Variants in PYCR1 observed in about 807,000 individuals in gnomAD.
The protein encoded by PYCR1 is pyrroline-5-carboxylate reductase 1.
PYCR1 carries 19 observed loss-of-function variants against 22.9 expected under a neutral mutation model. The observed-to-expected ratio is 0.83, with a 90% CI of 0.58 to 1.22. The LOEUF is 1.22. Ranked by LOEUF, PYCR1 falls within the 50% of genes most tolerant of loss-of-function variation. PYCR1 has a pLI of 0.00. For synonymous variants in PYCR1, 175 were observed against 180.5 expected, an observed-to-expected ratio of 0.97 and a Z score of 0.24; for missense variants, 429 against 431.3, an observed-to-expected ratio of 0.99 and a Z score of 0.05.
intron 2 of PYCR1, among the ~76,000 whole-genome samples, chr17:81,935,772 C>A (rs1363849292): frequency 1.3e-5 from 2 of 152,254 alleles, no homozygotes; most frequent in Non-Finnish European, 2.9e-5. Context: ...CAGCCTGGGA[C>A]TGCCGTCCTC....
In PYCR1 at chr17:81,935,407, C is replaced by T; in HGVS notation, c.248G>A (p.Gly83Asp). 2 of 1,613,636 alleles carry T rather than the reference C, an allele frequency of 1.2e-6. No individual in the cohort carries two copies. Among genetic ancestry groups the T allele is most frequent in the Non-Finnish European group, 8.5e-7 (1 of 1,179,994 alleles). The change falls in exon 3 of 7, where the codon GGC becomes GAC. Residue 83 changes from glycine to aspartate, a missense_variant. Transcript: ENST00000329875. ...AATGTGTCTGTCCTCAATGTCGGCGCCTATTTCATCCAGGATGAAGGGGAT... is the reference window on the plus strand; with the variant it reads ...AATGTGTCTGTCCTCAATGTCGGCGTCTATTTCATCCAGGATGAAGGGGAT... ...HIIPFILDEI[G>D]ADIEDRHIVV...
Position 81,936,183 on chromosome 17 carries a change from A to G in PYCR1, c.78T>C (p.Ala26=). 1 of 1,613,570 alleles carries G rather than the reference A, an allele frequency of 6.2e-7. No individual in the cohort carries two copies. Among genetic ancestry groups the G allele is most frequent in the Non-Finnish European group, 8.5e-7 (1 of 1,179,774 alleles). ...GGGAGCTAGCCATTATCTTGTGGGC[A>G]GCCAAGACGCCTGAGGGGAGAAACA... is the stretch of plus-strand genomic sequence containing the variant. ...AKGFTAAGVL[A]AHKIMASSPD... Residue 26 remains alanine, a synonymous_variant, in exon 2 of 7, where the codon GCT becomes GCC. Coordinates refer to ENST00000329875, the MANE Select transcript of PYCR1 (RefSeq NM_006907.4).
At chr17:81,934,076 C>A (rs1414990518) in intron 6 of PYCR1, 15 of 581,842 alleles carry the variant, frequency 2.6e-5, no homozygotes, top group Non-Finnish European at 9.3e-6. Context: ...CAATGGTGAA[C>A]CTATGTGGGG....
Position 81,934,337 on chromosome 17 carries a change from G to A in PYCR1, c.786C>T (p.Cys262=). Residue 262 remains cysteine (C), a synonymous_variant, in exon 6 of 7, where the codon TGC becomes TGT. Coordinates refer to ENST00000329875, the MANE Select transcript of PYCR1 (RefSeq NM_006907.4). ...GCGCGGGGGCCCACCGTGTGCGGAT[G>A]CAGGAGGCCTCCACAGCGTTGATGA... ...SLLINAVEAS[C]IRTRELQSMA... is the part of the protein sequence containing the mutation. 1 of 1,612,930 alleles carries A rather than the reference G, an allele frequency of 6.2e-7. No individual in the cohort carries two copies. Among genetic ancestry groups the A allele is most frequent in the Non-Finnish European group, 8.5e-7 (1 of 1,179,950 alleles).
chr17:81,934,896 G>C (rs746060807), intron 4 of PYCR1, 30 bp downstream of exon 4: 1 of 1,605,978 alleles, frequency 6.2e-7, no homozygotes, highest in Admixed American at 1.7e-5. Context: ...GGAAGTGCCC[G>C]CCGCCGCCAG....
Position 81,934,410 on chromosome 17 carries a change from G to T in PYCR1, c.713C>A (p.Thr238Asn), listed in dbSNP as rs528157104. 8.1e-6 allele frequency: 13 copies of T among 1,612,258 alleles called. No homozygotes were observed. The highest frequency in any genetic ancestry group is 1.1e-5 in the Non-Finnish European group (13 of 1,179,796). Residue 238 changes from threonine to asparagine, a missense_variant, in exon 6 of 7, where the codon ACC (threonine) becomes AAC (asparagine). Transcript: ENST00000329875. ...KDNVSSPGGA[T>N]IHALHVLESG... ...CTCCAGCACATGCAAGGCATGGATG[G>T]TGGCCCCACCAGGAGAGCTGACGTT...
intron 4 of PYCR1, 88 bp downstream of exon 4, chr17:81,934,838 C>T (rs567178994): frequency 3.9e-6 from 6 of 1,554,692 alleles, no homozygotes; most frequent in East Asian, 2.4e-5. Flanking sequence ...GAGCCCTCCA[C>T]CCTGGCCCTC....
In PYCR1 at chr17:81,936,741, G is replaced by A. The variant is rs776837667; in HGVS notation, c.67+7C>T. ...TGGGCCTCACCGTCCCCCACCTGGG[G>A]GCCTACCTGCTGCTGTGAAGCCCTT... On this transcript the variant is annotated splice_region_variant and intron_variant, in intron 1 of 6. Coordinates refer to ENST00000329875, the MANE Select transcript of PYCR1 (RefSeq NM_006907.4). The A allele has an allele frequency of 2.2e-5, 36 of 1,604,280 alleles. No individual in the cohort carries two copies. The highest frequency in any genetic ancestry group is 1.7e-4 in the Middle Eastern group (1 of 5,970).
chr17:81,933,695 A>C (rs1443963565), intron 6 of PYCR1, among the ~76,000 whole-genome samples: 2 of 151,950 alleles, frequency 1.3e-5, no homozygotes, highest in Non-Finnish European at 2.9e-5. Context: ...TGTTCCCCTC[A>C]CTGTTACAGG....
rs1337871415 is a variant in PYCR1 at position 81,934,737 on chromosome 17, T to C, written c.549A>G (p.Thr183=). Residue 183 remains threonine (T), a synonymous_variant, in exon 5 of 7, where the codon ACA becomes ACG. Coordinates refer to ENST00000329875, the MANE Select transcript of PYCR1 (RefSeq NM_006907.4). ...CCCCATCAGCCAGGGCATCCAGGGC[T>C]GTGAATGCCTGTGGGGAGAAGGCAC... is the stretch of plus-strand genomic sequence containing the variant. ...LSGSGPAYAF[T]ALDALADGGV... The C allele has an allele frequency of 2.6e-6, 4 of 1,554,712 alleles. No homozygotes were observed. The East Asian group carries it at 9.7e-5, about 38-fold the overall frequency.
Position 81,933,097 on chromosome 17 carries a change from TG to T in PYCR1, c.*116del, listed in dbSNP as rs751498089. ...TGTGGCCCCTCCCTGGCTATGTCCCTGGCTGGCCCCTGCGCTGATCAGAGCC... is the reference window on the plus strand; with the variant it reads ...TGTGGCCCCTCCCTGGCTATGTCCCTGCTGGCCCCTGCGCTGATCAGAGCC... On this transcript the variant is annotated 3_prime_UTR_variant, in exon 7 of 7. Transcript: ENST00000329875. The T allele has an allele frequency of 1.3e-5, 21 of 1,596,432 alleles. No individual in the cohort carries two copies. Among genetic ancestry groups the T allele is most frequent in the Non-Finnish European group, 1.7e-5 (20 of 1,176,550 alleles).
chr17:81,935,626 GCA>G, intron 2 of PYCR1, 110 bp from the exon 3 acceptor site: 5 of 819,154 alleles, frequency 6.1e-6, no homozygotes, highest in African/African-American at 3.4e-5. Context: ...TTGGGGGTGG[GCA>G]GGGCTGGGGG....
chr17:81,934,189 G>A (rs777132766), intron 6 of PYCR1, 137 bp downstream of exon 6: 2 of 1,350,604 alleles, frequency 1.5e-6, no homozygotes, highest in East Asian at 2.5e-5. Flanking sequence ...GAACCTCGGG[G>A]CCCCCTGTGT....
rs770665220 is a variant in PYCR1, at chr17:81,935,423, T to C, written c.232A>G (p.Ile78Val). ...LAVKPHIIPFILDEIGADIED... is the reference protein window; with the variant it reads ...LAVKPHIIPFVLDEIGADIED... ...ATGTCGGCGCCTATTTCATCCAGGA[T>C]GAAGGGGATGATGTGTGGCTTCACA... The change falls in exon 3 of 7, where the codon ATC (isoleucine) becomes GTC (valine). Residue 78 changes from isoleucine to valine, a missense_variant. Ile to Val is a conservative substitution (Grantham distance 29). Coordinates refer to ENST00000329875, the MANE Select transcript of PYCR1 (RefSeq NM_006907.4). 4 of 1,613,656 alleles carry C rather than the reference T, an allele frequency of 2.5e-6. No individual in the cohort carries two copies. The South Asian group carries it at 4.4e-5, about 18-fold the overall frequency.
Position 81,933,365 on chromosome 17 carries a change from G to A in PYCR1, c.809C>T (p.Ser270Phe). 6.2e-7 allele frequency: 1 copy of A among 1,613,826 alleles called. No homozygotes were observed. The highest frequency in any genetic ancestry group is 8.5e-7 in the Non-Finnish European group (1 of 1,180,004). ...TGACACCTGCTCCTGGTCAGCCATG[G>A]ACTGCAGCTCCCTAGAGAGGCAGGG... ...ASCIRTRELQ[S>F]MADQEQVSPA... is the part of the protein sequence containing the mutation. Residue 270 changes from serine to phenylalanine, a missense_variant, in exon 7 of 7, where the codon TCC becomes TTC. By Grantham distance (155) the Ser-to-Phe change is radical (BLOSUM62 -2). Transcript: ENST00000329875.
rs913844617 is a variant in PYCR1, at chr17:81,937,278, C to A, written c.-464G>T. On this transcript the variant is annotated 5_prime_UTR_variant, in exon 1 of 7. Transcript: ENST00000329875. ...CGTACCCACCCCTCAGCGCTGCGGC[C>A]GCCACGCGGCACCCGCACCCAGGCC... The A allele has an allele frequency of 1.7e-6, 2 of 1,180,014 alleles. No homozygotes were observed. The highest frequency in any genetic ancestry group is 4.2e-5 in the Admixed American group (1 of 23,540). 73.1% of individuals were successfully genotyped at this position (1,180,014 alleles called of 1,614,324 possible). A position where few individuals can be genotyped will look rare whatever the true frequency, so the allele number is the denominator to read the frequency against.
chr17:81,937,006 G>T lies in PYCR1; in HGVS notation c.-192C>A. ...CTGTCCGGCCCGTTAACTGCTTCGGGGCCCCCAGTCAGAGCGGCGGTGCCT... is the reference window on the plus strand; with the variant it reads ...CTGTCCGGCCCGTTAACTGCTTCGGTGCCCCCAGTCAGAGCGGCGGTGCCT... On this transcript the variant is annotated 5_prime_UTR_variant, in exon 1 of 7. Coordinates refer to ENST00000329875, the MANE Select transcript of PYCR1 (RefSeq NM_006907.4). 2.7e-6 allele frequency: 4 copies of T among 1,466,836 alleles called. No homozygotes were observed. The highest frequency in any genetic ancestry group is 3.6e-6 in the Non-Finnish European group (4 of 1,109,484). 90.9% of individuals were successfully genotyped at this position (1,466,836 alleles called of 1,614,324 possible).
chr17:81,933,020 G>A lies in PYCR1; in HGVS notation c.*194C>T, dbSNP rs2041031985. ...GGTTGAGGTTGGGGAATCCACCCCT[G>A]TTCTGGGCTGGGAAGCACTTGCAGA... On this transcript the variant is annotated 3_prime_UTR_variant, in exon 7 of 7. Coordinates refer to ENST00000329875, the MANE Select transcript of PYCR1 (RefSeq NM_006907.4). 1 of 1,584,218 alleles carries A rather than the reference G, an allele frequency of 6.3e-7. No homozygotes were observed. The highest frequency in any genetic ancestry group is 1.3e-5 in the African/African-American group (1 of 74,482).
At chr17:81,935,686 G>C (rs1318858361) in intron 2 of PYCR1, among the ~76,000 whole-genome samples, 170 bp from the exon 3 acceptor site, 1 of 152,212 alleles carries the variant, frequency 6.6e-6, no homozygotes, top group Non-Finnish European at 1.5e-5. Context: ...CCCAGAAATG[G>C]AGGAAGAACT....
Sources: gnomAD v4.1 joint callset for allele counts (sites outside exome capture counted in the v4.1 genomes callset) on GRCh38, gnomAD v4.1.1 for gene constraint, MANE v1.5 for transcripts, NCBI Gene and HGNC (gene_info 2026-07-23, HGNC 2026-07-21) for gene names.